The following CALR3 variants were observed in gnomAD, a reference collection of about 807,000 sequenced individuals.
CALR3 encodes the protein calreticulin 3.
A neutral mutation model predicts 48.7 loss-of-function variants in CALR3; 39 were observed. The ratio of observed to expected loss-of-function variants is 0.80; its 90% CI spans 0.62 to 1.05. The LOEUF (loss-of-function observed/expected upper bound fraction) is 1.05. Ranked by LOEUF, CALR3 falls within the 50% of genes least tolerant of loss-of-function variation. The probability of loss-of-function intolerance (pLI) is 0.00; values close to 1 mark genes in which losing one functional copy is unlikely to be tolerated. For synonymous variants in CALR3, 185 were observed against 172.7 expected (o/e 1.07, Z -0.56); for missense variants, 449 against 474.7 (o/e 0.95, Z 0.50).
At position 16,493,612 on chromosome 19, in the gene CALR3, C is replaced by T. The variant is rs113208541; in HGVS notation, c.193+2139G>A. Among the ~76,000 whole-genome samples the T allele has an allele frequency of 6.2e-3, 886 of 141,952 alleles. 4 individuals carry two copies. Among genetic ancestry groups the T allele is most frequent in the Non-Finnish European group, 9.5e-3 (633 of 66,764 alleles). 93.1% of individuals were successfully genotyped at this position (141,952 alleles called of 152,430 possible). On this transcript the variant is annotated intron_variant, in intron 2 of 8. Coordinates refer to ENST00000269881, the MANE Select transcript of CALR3 (RefSeq NM_145046.5). ...TTGCCCAGGCTGGAGTGTAGTGGCA[C>T]GATCTCGACTCACTGCAACCTCCGC...
chr19:16,484,914 C>G (rs2093386899), intron 4 of CALR3, among the ~76,000 whole-genome samples: 1 of 152,100 alleles, frequency 6.6e-6, no homozygotes. Context: ...CCTCATAGGG[C>G]AAATGATGAC....
chr19:16,496,131 G>C lies in CALR3; in HGVS notation c.-2C>G, dbSNP rs776126382. Reference sequence around the variant, plus strand: ...GAGCTGGACCAAAGCCCGGGCCATGGGGGTGTGCACTGCGCTTCCGGTCGC... The same window carrying C: ...GAGCTGGACCAAAGCCCGGGCCATGCGGGTGTGCACTGCGCTTCCGGTCGC... On this transcript the variant is annotated 5_prime_UTR_variant, in exon 1 of 9. Transcript: ENST00000269881. 9 of 1,597,912 alleles carry C rather than the reference G, an allele frequency of 5.6e-6. No homozygotes were observed. The African/African-American group carries it at 9.4e-5, about 17-fold the overall frequency.
rs1164903097 is a variant in CALR3, at chr19:16,496,121, C to T, written c.9G>A (p.Arg3=). ...ATATGGCCCAGAGCTGGACCAAAGC[C>T]CGGGCCATGGGGGTGTGCACTGCGC... MA[R]ALVQLWAICM... The change falls in exon 1 of 9, where the codon CGG becomes CGA. Residue 3 remains arginine, a synonymous_variant. Coordinates refer to ENST00000269881, the MANE Select transcript of CALR3 (RefSeq NM_145046.5). 6.2e-7 allele frequency: 1 copy of T among 1,602,214 alleles called. No individual in the cohort carries two copies. The highest frequency in any genetic ancestry group is 1.1e-5 in the South Asian group (1 of 89,190).
At position 16,479,064 on chromosome 19, in the gene CALR3, G is replaced by T; in HGVS notation, c.*67C>A. On this transcript the variant is annotated 3_prime_UTR_variant, in exon 9 of 9. Transcript: ENST00000269881. Reference sequence around the variant, plus strand: ...TGGACAAAGTGCCATGTAGACATTTGAGTTTGAAACATAGATTAAAGTAGC... The same window carrying T: ...TGGACAAAGTGCCATGTAGACATTTTAGTTTGAAACATAGATTAAAGTAGC... The T allele has an allele frequency of 6.3e-7, 1 of 1,589,674 alleles. No individual in the cohort carries two copies. The highest frequency in any genetic ancestry group is 8.6e-7 in the Non-Finnish European group (1 of 1,158,308).
chr19:16,492,333 G>GT (rs1417195107), intron 2 of CALR3, among the ~76,000 whole-genome samples: 1 of 152,150 alleles, frequency 6.6e-6, no homozygotes, highest in African/African-American at 2.4e-5. Flanking sequence ...GCGCGTGCCT[G>GT]TGGTCCCAGC....
At chr19:16,480,584 T>C (rs1328985918) in intron 8 of CALR3, 30 bp downstream of exon 8, 2 of 1,461,394 alleles carry the variant, frequency 1.4e-6, no homozygotes, top group Non-Finnish European at 1.9e-6. Context: ...GAAATAGTGA[T>C]GTAGGAAGAG....
chr19:16,482,748 T>G lies in CALR3; in HGVS notation c.716A>C (p.Lys239Thr). The G allele has an allele frequency of 6.2e-7, 1 of 1,613,794 alleles. No individual in the cohort carries two copies. Among genetic ancestry groups the G allele is most frequent in the African/African-American group, 1.3e-5 (1 of 75,058 alleles). Residue 239 changes from lysine (K) to threonine (T), a missense_variant, in exon 6 of 9, where the codon AAG (lysine) becomes ACG (threonine). Coordinates refer to ENST00000269881, the MANE Select transcript of CALR3 (RefSeq NM_145046.5). Reference sequence around the variant, plus strand: ...CAGGTCACCGTTCCAGTCGCTCTGCTTGCTGGTGCTGGCGTCCAGAAAATG... The same window carrying G: ...CAGGTCACCGTTCCAGTCGCTCTGCGTGCTGGTGCTGGCGTCCAGAAAATG... ...EKHFLDASTSKQSDWNGDLDG... is the reference protein window; with the variant it reads ...EKHFLDASTSTQSDWNGDLDG...
intron 5 of CALR3, 99 bp downstream of exon 5, chr19:16,483,831 T>C (rs2093384578): frequency 8.0e-7 from 1 of 1,255,762 alleles, no homozygotes; most frequent in Admixed American, 2.0e-5. Flanking sequence ...TCTATAATAT[T>C]GCCATCGTGG....
rs192338082 is a variant in CALR3 at position 16,490,596 on chromosome 19, G to C, written c.194-26C>G. 9 of 1,595,156 alleles carry C rather than the reference G, an allele frequency of 5.6e-6. No individual in the cohort carries two copies. In the African/African-American group the frequency reaches 1.2e-4, roughly 21 times the overall value. ...CTTTGAACAAAATATACTCATGAAGGATCAGGAATGACGCTGCGCTAAGTA... is the reference window on the plus strand; with the variant it reads ...CTTTGAACAAAATATACTCATGAAGCATCAGGAATGACGCTGCGCTAAGTA... On this transcript the variant is annotated intron_variant, in intron 2 of 8. Coordinates refer to ENST00000269881, the MANE Select transcript of CALR3 (RefSeq NM_145046.5).
At chr19:16,483,725 T>A in intron 5 of CALR3, 1 of 573,076 alleles carries the variant, frequency 1.7e-6, no homozygotes, top group Non-Finnish European at 3.1e-6. Flanking sequence ...TCTCAAAAAA[T>A]AAATAAATAA....
intron 5 of CALR3, 130 bp downstream of exon 5, chr19:16,483,800 G>T: frequency 1.2e-6 from 1 of 824,490 alleles, no homozygotes; most frequent in Non-Finnish European, 2.0e-6. Context: ...TGCAGTGTGT[G>T]CTCTGGGGAG....
At chr19:16,491,561 G>A (rs541965418) in intron 2 of CALR3, among the ~76,000 whole-genome samples, 77 of 151,180 alleles carry the variant, frequency 5.1e-4, no homozygotes, top group African/African-American at 1.6e-3. Context: ...GGCGGATCAC[G>A]GGGTCAGGAG....
At chr19:16,485,305 C>T (rs772249635) in intron 3 of CALR3, 48 bp from the exon 4 acceptor site, 38 of 1,184,250 alleles carry the variant, frequency 3.2e-5, no homozygotes, top group Middle Eastern at 1.9e-4. Flanking sequence ...AATGCATCAC[C>T]GTAGAATAAC....
chr19:16,488,904 C>T (rs181498529), intron 3 of CALR3, among the ~76,000 whole-genome samples: 1 of 152,196 alleles, frequency 6.6e-6, no homozygotes, highest in East Asian at 1.9e-4. Context: ...GCTTTGTAAG[C>T]CTAATGATCT....
intron 1 of CALR3, 38 bp downstream of exon 1, chr19:16,496,001 A>T: frequency 6.4e-7 from 1 of 1,568,396 alleles, no homozygotes; most frequent in South Asian, 1.1e-5. Context: ...GAGATGGGGG[A>T]GCTTACACCT....
chr19:16,483,466 C>T (rs1183548819), intron 5 of CALR3, among the ~76,000 whole-genome samples: 1 of 152,114 alleles, frequency 6.6e-6, no homozygotes, highest in African/African-American at 2.4e-5. Context: ...ACCTGTAATC[C>T]CAGCACTTTG....
At chr19:16,495,656 G>T in intron 2 of CALR3, 95 bp downstream of exon 2, 1 of 900,806 alleles carries the variant, frequency 1.1e-6, no homozygotes, top group Non-Finnish European at 1.8e-6. Context: ...TCTGTAAAAC[G>T]GGAATAAAAG....
chr19:16,495,265 TAAAG>T (rs2093405218), intron 2 of CALR3, among the ~76,000 whole-genome samples: 1 of 115,016 alleles, frequency 8.7e-6, no homozygotes, highest in East Asian at 2.7e-4. Flanking sequence ...TCTTTGGCAA[TAAAG>T]AAAGGAGAGA....
At chr19:16,485,521 T>C (rs1756328072) in intron 3 of CALR3, among the ~76,000 whole-genome samples, 1 of 152,142 alleles carries the variant, frequency 6.6e-6, no homozygotes, top group Non-Finnish European at 1.5e-5. Context: ...GGTTTCACCA[T>C]GCTGGCCAGG....
Sources: gnomAD v4.1 joint callset for allele counts (sites outside exome capture counted in the v4.1 genomes callset) on GRCh38, gnomAD v4.1.1 for gene constraint, MANE v1.5 for transcripts, NCBI Gene and HGNC (gene_info 2026-07-23, HGNC 2026-07-21) for gene names.